ADAM9: variants seen among roughly 807,000 people sequenced by gnomAD.
ADAM9 encodes ADAM metallopeptidase domain 9, also known as disintegrin and metalloproteinase domain-containing protein 9.
Under a neutral mutation model 108.1 loss-of-function variants are expected in ADAM9, and 54 were observed. The ratio of observed to expected loss-of-function variants is 0.50; its 90% CI spans 0.40 to 0.63. The LOEUF (loss-of-function observed/expected upper bound fraction) is 0.63. Among genes scored for constraint, ADAM9 ranks in the 20% least tolerant of loss-of-function variants. ADAM9 has a pLI of 0.00. For missense variants in ADAM9, 830 were observed against 997.7 expected (o/e 0.83, Z 2.26); for synonymous variants, 316 against 336.0 (o/e 0.94, Z 0.65).
At position 39,055,682 on chromosome 8, in the gene ADAM9, A is replaced by G. The variant is rs140137562; in HGVS notation, c.1501A>G (p.Asn501Asp). Reference sequence around the variant, plus strand: ...CTGTCAGCCAGATGTTTTTATTCAGAATGGATATCCTTGCCAGAATAACAA... The same window carrying G: ...CTGTCAGCCAGATGTTTTTATTCAGGATGGATATCCTTGCCAGAATAACAA... ...QFCQPDVFIQ[N>D]GYPCQNNKAY... The change falls in exon 14 of 22, where the codon AAT (asparagine) becomes GAT (aspartate). Residue 501 changes from asparagine to aspartate, a missense_variant. Asn to Asp is a conservative substitution (Grantham distance 23, BLOSUM62 1). This residue lies in a region of ADAM9 where 381 missense variants were observed against 539.8 expected (regional missense o/e 0.71). Coordinates refer to ENST00000487273, the MANE Select transcript of ADAM9 (RefSeq NM_003816.3). 64 of 1,613,818 alleles carry G rather than the reference A, an allele frequency of 4.0e-5. No homozygotes were observed. The Middle Eastern group carries it at 1.2e-3, about 29-fold the overall frequency.
rs1448360492 is a variant in ADAM9 at position 39,055,780 on chromosome 8, A to G, written c.1591+8A>G. The G allele has an allele frequency of 6.2e-7, 1 of 1,609,966 alleles. No homozygotes were observed. On this transcript the variant is annotated splice_region_variant and intron_variant, in intron 14 of 21. Coordinates refer to ENST00000487273, the MANE Select transcript of ADAM9 (RefSeq NM_003816.3). ...AAGTCATCTTTGGCTCAAGTAAGAT[A>G]TCATCATTTATAATTGATTGCTTCG...
Position 39,040,041 on chromosome 8 carries a change from C to T in ADAM9, c.1131-1905C>T, listed in dbSNP as rs187897917. ...CTATACTCTCACTAGCACTTGTCAT[C>T]TCTTTTATTTATTTATTTATTTATT... is the stretch of plus-strand genomic sequence containing the variant. On this transcript the variant is annotated intron_variant, in intron 11 of 21. Transcript: ENST00000487273. Among the ~76,000 whole-genome samples the T allele has an allele frequency of 2.2e-4, 33 of 152,162 alleles. No individual in the cohort carries two copies. In the East Asian group the frequency reaches 6.4e-3, roughly 29 times the overall value.
intron 4 of ADAM9, 38 bp from the exon 5 acceptor site, chr8:39,016,080 T>C (rs1179042355): frequency 1.3e-6 from 2 of 1,562,724 alleles, no homozygotes; most frequent in African/African-American, 2.7e-5. Context: ...TTCAGCAATG[T>C]AGCAATATTT....
chr8:39,097,865 T>G (rs1265538446), intron 20 of ADAM9, among the ~76,000 whole-genome samples: 1 of 152,204 alleles, frequency 6.6e-6, no homozygotes, highest in Non-Finnish European at 1.5e-5. Context: ...CAAATGACTT[T>G]TGTGAAAATC....
At chr8:39,036,593 A>T (rs1837283102) in intron 11 of ADAM9, among the ~76,000 whole-genome samples, 1 of 152,174 alleles carries the variant, frequency 6.6e-6, no homozygotes, top group Admixed American at 6.5e-5. Flanking sequence ...TAAATCATTA[A>T]TATTGTAGAG....
chr8:39,033,825 C>T (rs1324870714), intron 11 of ADAM9, among the ~76,000 whole-genome samples: 1 of 152,028 alleles, frequency 6.6e-6, no homozygotes, highest in Non-Finnish European at 1.5e-5. Flanking sequence ...CTTATATCTC[C>T]TTTATTTGTC....
At chr8:39,088,103 T>C (rs1839231769) in intron 18 of ADAM9, among the ~76,000 whole-genome samples, 1 of 151,914 alleles carries the variant, frequency 6.6e-6, no homozygotes, top group African/African-American at 2.4e-5. Context: ...TCCTGTAGAG[T>C]AGGCTGAGGA....
rs923998556 is a variant in ADAM9, at chr8:39,012,678, C to T, written c.254+962C>T. On this transcript the variant is annotated intron_variant, in intron 3 of 21. Coordinates refer to ENST00000487273, the MANE Select transcript of ADAM9 (RefSeq NM_003816.3). ...GGATGAAGCTGGAAACCATCATTCT[C>T]AGCAAACTATTGCAAGGACAAAAAA... 3.9e-5 allele frequency among the ~76,000 whole-genome samples: 6 copies of T among 152,164 alleles called. No individual in the cohort carries two copies. The South Asian group carries it at 8.3e-4, about 21-fold the overall frequency.
At chr8:39,047,755 A>G (rs552256460) in intron 12 of ADAM9, among the ~76,000 whole-genome samples, 128 of 151,846 alleles carry the variant, frequency 8.4e-4, no homozygotes, top group Non-Finnish European at 1.6e-3. Context: ...TGATTTTTCA[A>G]TTCTTTTTCT....
chr8:39,066,657 T>G (rs1838487246), intron 14 of ADAM9, among the ~76,000 whole-genome samples: 1 of 152,246 alleles, frequency 6.6e-6, no homozygotes, highest in Admixed American at 6.5e-5. Context: ...ATTAGCCCTT[T>G]GTTAGATGAG....
intron 12 of ADAM9, among the ~76,000 whole-genome samples, chr8:39,051,408 A>G (rs1005926690): frequency 3.9e-5 from 6 of 152,192 alleles, no homozygotes; most frequent in South Asian, 2.1e-4. Flanking sequence ...ATTTCTCACA[A>G]AGGGAATTGA....
intron 20 of ADAM9, among the ~76,000 whole-genome samples, chr8:39,095,057 C>G (rs1410266794): frequency 6.6e-6 from 1 of 151,968 alleles, no homozygotes; most frequent in East Asian, 1.9e-4. Context: ...TATAAACTTC[C>G]CCCTTAGAAT....
intron 12 of ADAM9, among the ~76,000 whole-genome samples, chr8:39,045,359 TATAG>T (rs1237370445): frequency 9.5e-6 from 1 of 105,054 alleles, no homozygotes; most frequent in African/African-American, 3.6e-5. Flanking sequence ...TGTACATACA[TATAG>T]GTGTGTGTAC....
At chr8:39,067,654 T>C (rs929667991) in intron 14 of ADAM9, among the ~76,000 whole-genome samples, 2 of 152,192 alleles carry the variant, frequency 1.3e-5, no homozygotes, top group Non-Finnish European at 2.9e-5. Flanking sequence ...GCTGAGACGG[T>C]GGGGTTTTCT....
intron 1 of ADAM9, among the ~76,000 whole-genome samples, chr8:38,999,544 T>C (rs1835933232): frequency 1.3e-5 from 2 of 152,126 alleles, no homozygotes; most frequent in African/African-American, 4.8e-5. Context: ...AGAACTTAGG[T>C]CCATACTAAT....
intron 16 of ADAM9, among the ~76,000 whole-genome samples, chr8:39,081,973 T>C (rs962042786): frequency 1.1e-4 from 16 of 152,146 alleles, no homozygotes; most frequent in Non-Finnish European, 1.3e-4. Context: ...AGATCTTAGG[T>C]TTAATATTTT....
chr8:39,085,619 T>A (rs1051594084), intron 18 of ADAM9, among the ~76,000 whole-genome samples: 12 of 152,314 alleles, frequency 7.9e-5, no homozygotes, highest in Non-Finnish European at 1.5e-4. Flanking sequence ...GTGATAGTTT[T>A]CCTCCCGTTT....
At chr8:39,075,771 A>G (rs1015413098) in intron 15 of ADAM9, 1 of 152,234 alleles carries the variant, frequency 6.6e-6, no homozygotes, top group Non-Finnish European at 1.5e-5. Context: ...ACTGAGGTCT[A>G]CTTTATGCTA....
chr8:38,997,305 CG>C, intron 1 of ADAM9, 145 bp downstream of exon 1: 2 of 961,134 alleles, frequency 2.1e-6, no homozygotes, highest in Non-Finnish European at 3.1e-6. Context: ...CAGGTGTGTG[CG>C]GACCGGGGTC....
Sources: gnomAD v4.1 joint callset for allele counts (sites outside exome capture counted in the v4.1 genomes callset) on GRCh38, gnomAD v4.1.1 for gene constraint, gnomAD v4.1.1 regional missense constraint, MANE v1.5 for transcripts, NCBI Gene and HGNC (gene_info 2026-07-23, HGNC 2026-07-21) for gene names.